The following GALNT10 variants were observed in gnomAD, a reference collection of about 807,000 sequenced individuals.
GALNT10 encodes polypeptide N-acetylgalactosaminyltransferase 10.
In GALNT10, 41 loss-of-function variants were observed where a neutral mutation model predicts 75.0. The observed-to-expected ratio is 0.55, with a 90% CI of 0.43 to 0.71. The LOEUF is 0.71. Among genes scored for constraint, GALNT10 ranks in the 30% least tolerant of loss-of-function variants. The pLI, the probability that GALNT10 is intolerant of heterozygous loss-of-function variation, is 0.00. For missense variants in GALNT10, 727 were observed against 818.5 expected (o/e 0.89, Z 1.36); for synonymous variants, 302 against 313.0 (o/e 0.96, Z 0.37).
chr5:154,201,800 A>C (rs1387788033), intron 1 of GALNT10, among the ~76,000 whole-genome samples: 6 of 151,864 alleles, frequency 4.0e-5, no homozygotes, highest in South Asian at 2.1e-4. Flanking sequence ...GTAGTGGCGC[A>C]CTCCTGTAAT....
chr5:154,259,788 C>G (rs1232231865), intron 1 of GALNT10, among the ~76,000 whole-genome samples: 1 of 152,152 alleles, frequency 6.6e-6, no homozygotes, highest in Non-Finnish European at 1.5e-5. Context: ...TCAAAATGTT[C>G]TACAAAATTG....
In GALNT10 at chr5:154,412,368, C is replaced by T. The variant is rs190808836; in HGVS notation, c.1387-521C>T. 1.1e-4 allele frequency: 17 copies of T among 159,584 alleles called. No individual in the cohort carries two copies. The highest frequency in any genetic ancestry group is 1.4e-4 in the Non-Finnish European group (10 of 72,700). 9.9% of individuals were successfully genotyped at this position (159,584 alleles called of 1,614,324 possible). ...GTCTTCATGGTTGAAGGGGAAGAGG[C>T]AACTATTGTTCTTTGGATCTCAGCA... is the stretch of plus-strand genomic sequence containing the variant. On this transcript the variant is annotated intron_variant, in intron 9 of 11. Transcript: ENST00000297107. This position sits in a 1 kb window ranked among gnomAD's most constrained non-coding sequence, Gnocchi z 4.2.
chr5:154,383,350 G>T (rs1755760954), intron 6 of GALNT10, among the ~76,000 whole-genome samples: 1 of 152,186 alleles, frequency 6.6e-6, no homozygotes, highest in South Asian at 2.1e-4. Flanking sequence ...CCCACTTTCA[G>T]TAATAGCTTA....
chr5:154,219,063 A>G (rs112310782), intron 1 of GALNT10, among the ~76,000 whole-genome samples: 9,031 of 152,126 alleles, frequency 0.059, 864 homozygotes, highest in African/African-American at 0.21. Context: ...GCTTCTTGCT[A>G]TGGCTGCTCA....
chr5:154,222,644 T>TTTAG (rs1753001194), intron 1 of GALNT10, among the ~76,000 whole-genome samples: 1 of 152,226 alleles, frequency 6.6e-6, no homozygotes, highest in Admixed American at 6.5e-5. Context: ...AGTCTTTAAT[T>TTTAG]TTAGCCATTC....
At chr5:154,219,836 T>TCACACACACACACACACACACACA (rs1192106045) in intron 1 of GALNT10, among the ~76,000 whole-genome samples, 3 of 134,296 alleles carry the variant, frequency 2.2e-5, no homozygotes, top group Non-Finnish European at 4.7e-5. Flanking sequence ...TCTCTCTCTC[T>TCACACACACACACACACACACACA]CTCACACACA....
At chr5:154,219,832 T>TCACACACACACACACA (rs775014222) in intron 1 of GALNT10, among the ~76,000 whole-genome samples, 1,046 of 80,036 alleles carry the variant, frequency 0.013, 6 homozygotes, top group East Asian at 0.027. Flanking sequence ...TCTCTCTCTC[T>TCACACACACACACACA]CTCTCTCACA....
At chr5:154,413,412 C>T (rs1483248805) in intron 10 of GALNT10, among the ~76,000 whole-genome samples, 1 of 152,216 alleles carries the variant, frequency 6.6e-6, no homozygotes, top group Non-Finnish European at 1.5e-5. Flanking sequence ...CATGCCACTT[C>T]CAAGAGTTCT....
At chr5:154,411,877 C>T (rs994434172) in intron 9 of GALNT10, among the ~76,000 whole-genome samples, 3 of 152,158 alleles carry the variant, frequency 2.0e-5, no homozygotes, top group African/African-American at 7.2e-5. Flanking sequence ...GAGACCACAA[C>T]AGTGGTCTTA....
intron 1 of GALNT10, among the ~76,000 whole-genome samples, chr5:154,217,598 T>C (rs1752894265): frequency 6.6e-6 from 1 of 152,162 alleles, no homozygotes; most frequent in Non-Finnish European, 1.5e-5. Flanking sequence ...CCCAGATGAA[T>C]TAAAATCAAT....
Position 154,412,622 on chromosome 5 carries a change from C to A in GALNT10, c.1387-267C>A. On this transcript the variant is annotated intron_variant, in intron 9 of 11. Transcript: ENST00000297107. This position sits in a 1 kb window ranked among gnomAD's most constrained non-coding sequence, Gnocchi z 4.2. ...CAGGGAGTCCTTTACCAACTCCTCA[C>A]CTCCACTCCCCCACCACCAACCCAG... The A allele has an allele frequency of 2.7e-6, 1 of 366,184 alleles. No individual in the cohort carries two copies. 22.7% of individuals were successfully genotyped at this position (366,184 alleles called of 1,614,324 possible).
At chr5:154,325,433 G>A (rs914003701) in intron 3 of GALNT10, among the ~76,000 whole-genome samples, 1 of 151,978 alleles carries the variant, frequency 6.6e-6, no homozygotes, top group African/African-American at 2.4e-5. Flanking sequence ...ATAGACCAGC[G>A]TGCCTTATAA....
chr5:154,253,497 C>T (rs764662540), intron 1 of GALNT10, among the ~76,000 whole-genome samples: 8 of 151,520 alleles, frequency 5.3e-5, no homozygotes, highest in Non-Finnish European at 1.0e-4. Flanking sequence ...CAAACCTGCA[C>T]GTTGTGCACA....
At chr5:154,308,702 C>T (rs1754469163) in intron 3 of GALNT10, among the ~76,000 whole-genome samples, 1 of 152,196 alleles carries the variant, frequency 6.6e-6, no homozygotes, top group Non-Finnish European at 1.5e-5. Flanking sequence ...TTCTACCCTT[C>T]CACCTCCAGT....
rs141717481 is a variant in GALNT10, at chr5:154,375,312, G to A, written c.569-965G>A. 2.1e-3 allele frequency among the ~76,000 whole-genome samples: 323 copies of A among 152,296 alleles called. 2 individuals carry two copies. Among genetic ancestry groups the A allele is most frequent in the African/African-American group, 7.3e-3 (302 of 41,566 alleles). ...CATTCCACATTTCGTCATTAAATAT[G>A]ATGTATGCTGTAGGTTTCTTTTGCA... is the stretch of plus-strand genomic sequence containing the variant. On this transcript the variant is annotated intron_variant, in intron 4 of 11. Coordinates refer to ENST00000297107, the MANE Select transcript of GALNT10 (RefSeq NM_198321.4).
chr5:154,228,017 G>C (rs116126494), intron 1 of GALNT10, among the ~76,000 whole-genome samples: 1,538 of 152,078 alleles, frequency 0.01, 11 homozygotes, highest in Non-Finnish European at 0.016. Flanking sequence ...AAACTGTGTG[G>C]CACCTCCCCT....
chr5:154,338,514 C>T (rs1754980489), intron 4 of GALNT10: 1 of 210,498 alleles, frequency 4.8e-6, no homozygotes, highest in Non-Finnish European at 9.5e-6. Flanking sequence ...CAGAAAGCTA[C>T]AATTTTTTTT....
At chr5:154,215,570 GTCTTTTCT>G (rs1307546463) in intron 1 of GALNT10, among the ~76,000 whole-genome samples, 1 of 152,212 alleles carries the variant, frequency 6.6e-6, no homozygotes, top group East Asian at 1.9e-4. Context: ...CACCACCTCT[GTCTTTTCT>G]TCTTTTTCCT....
intron 3 of GALNT10, among the ~76,000 whole-genome samples, chr5:154,303,921 A>C (rs1224139947): frequency 6.6e-6 from 1 of 152,234 alleles, no homozygotes; most frequent in Non-Finnish European, 1.5e-5. Context: ...TAGCAGAGTT[A>C]ATTGTAACTG....
Sources: allele counts gnomAD v4.1 joint callset (sites outside exome capture counted in the v4.1 genomes callset), GRCh38; gene constraint gnomAD v4.1.1; non-coding constraint Gnocchi (gnomAD v3.1); transcripts MANE v1.5; gene names NCBI Gene and HGNC (gene_info 2026-07-23, HGNC 2026-07-21).